The following AGMO variants were observed in gnomAD, a reference collection of about 807,000 sequenced individuals.
The protein encoded by AGMO is glyceryl-ether monooxygenase.
AGMO carries 75 observed loss-of-function variants against 60.2 expected under a neutral mutation model. The ratio of observed to expected loss-of-function variants is 1.25; its 90% confidence interval spans 1.03 to 1.51. The LOEUF is 1.51. Among genes scored for constraint, AGMO ranks in the 40% most tolerant of loss-of-function variants. The pLI, the probability that AGMO is intolerant of heterozygous loss-of-function variation, is 0.00. For synonymous variants in AGMO, 261 were observed against 177.1 expected (o/e 1.47, Z -3.76); for missense variants, 763 against 525.5 (o/e 1.45, Z -4.42).
At chr7:15,555,290 T>C (rs200521984) in intron 2 of AGMO, among the ~76,000 whole-genome samples, 316 of 103,580 alleles carry the variant, frequency 3.1e-3, no homozygotes, top group East Asian at 0.013. Flanking sequence ...TATATATATA[T>C]ATACACACAC....
intron 12 of AGMO, among the ~76,000 whole-genome samples, chr7:15,291,060 C>T (rs1010766478): frequency 6.6e-6 from 1 of 152,034 alleles, no homozygotes; most frequent in Non-Finnish European, 1.5e-5. Flanking sequence ...TTCTGGGTGG[C>T]AGTAATCCCT....
At chr7:15,318,092 G>T (rs1780995669) in intron 12 of AGMO, among the ~76,000 whole-genome samples, 1 of 150,220 alleles carries the variant, frequency 6.7e-6, no homozygotes, top group Non-Finnish European at 1.5e-5. Context: ...TGCAATCTCT[G>T]CCTCTGGGGT....
intron 3 of AGMO, among the ~76,000 whole-genome samples, chr7:15,493,526 A>C (rs568624425): frequency 6.7e-6 from 1 of 149,872 alleles, no homozygotes; most frequent in African/African-American, 2.4e-5. Context: ...GGCGCCCGCC[A>C]CCACACCCGG....
At chr7:15,442,220 G>C (rs1781576394) in intron 3 of AGMO, among the ~76,000 whole-genome samples, 1 of 152,150 alleles carries the variant, frequency 6.6e-6, no homozygotes, top group Non-Finnish European at 1.5e-5. Flanking sequence ...CCCTGTGATA[G>C]ATTTCTGTCT....
chr7:15,557,807 G>T (rs918435713), intron 2 of AGMO, among the ~76,000 whole-genome samples: 6 of 151,904 alleles, frequency 3.9e-5, no homozygotes, highest in Non-Finnish European at 8.8e-5. Context: ...GGAGTAATTT[G>T]CTATTCTCAT....
At chr7:15,171,686 G>A in the AGMO span, among the ~76,000 whole-genome samples, 2 of 151,958 alleles carry the variant, frequency 1.3e-5, no homozygotes, top group African/African-American at 2.4e-5. Context: ...CATTAAATTG[G>A]CTGTCTAGTA....
At chr7:15,301,196 T>C (rs1784551433) in intron 12 of AGMO, among the ~76,000 whole-genome samples, 1 of 152,108 alleles carries the variant, frequency 6.6e-6, no homozygotes, top group Non-Finnish European at 1.5e-5. Flanking sequence ...CCCAACACTT[T>C]TGGAGGCCAA....
intron 2 of AGMO, among the ~76,000 whole-genome samples, chr7:15,553,989 T>G (rs1263275131): frequency 6.6e-6 from 1 of 152,074 alleles, no homozygotes; most frequent in African/African-American, 2.4e-5. Flanking sequence ...CTGCTTTCTA[T>G]TAGCAAAATT....
At chr7:15,124,474 T>TG in the AGMO span, among the ~76,000 whole-genome samples, 2 of 152,014 alleles carry the variant, frequency 1.3e-5, no homozygotes, top group Non-Finnish European at 2.9e-5. Context: ...ATAAAGAAAT[T>TG]GGGGCAATTT....
Position 15,200,826 on chromosome 7 carries a change from A to C in AGMO, c.*459T>G, listed in dbSNP as rs1400173342. 2.6e-5 allele frequency: 4 copies of C among 152,818 alleles called. No individual in the cohort carries two copies. Among genetic ancestry groups the C allele is most frequent in the Non-Finnish European group, 4.4e-5 (3 of 68,462 alleles). The allele number at this position is 152,818 out of a possible 1,614,324, so 9.5% of individuals were successfully genotyped here. A position where few individuals can be genotyped will look rare whatever the true frequency, so the allele number is the denominator to read the frequency against. On this transcript the variant is annotated 3_prime_UTR_variant, in exon 13 of 13. Transcript: ENST00000342526. ...GTCTTTTTCTGGAATGCAGCTTCTTAGGTTATATGGATTGCAAAGGTAACT... is the reference window on the plus strand; with the variant it reads ...GTCTTTTTCTGGAATGCAGCTTCTTCGGTTATATGGATTGCAAAGGTAACT...
chr7:15,399,312 A>G (rs1459348107), intron 5 of AGMO, among the ~76,000 whole-genome samples: 2 of 152,184 alleles, frequency 1.3e-5, no homozygotes, highest in Non-Finnish European at 2.9e-5. Context: ...AATTTCTATT[A>G]TATACTGAAA....
intron 6 of AGMO, among the ~76,000 whole-genome samples, chr7:15,393,253 C>G (rs1255945164): frequency 2.0e-5 from 3 of 152,204 alleles, no homozygotes; most frequent in Non-Finnish European, 2.9e-5. Flanking sequence ...ACCTGCCCTT[C>G]TTGGAAAGGC....
At chr7:15,554,968 A>C (rs1340451921) in intron 2 of AGMO, among the ~76,000 whole-genome samples, 1 of 151,884 alleles carries the variant, frequency 6.6e-6, no homozygotes, top group African/African-American at 2.4e-5. Flanking sequence ...CGTTGTTGTC[A>C]TTAAGAAAGC....
chr7:15,353,006 C>G (rs757324358), intron 12 of AGMO, among the ~76,000 whole-genome samples: 41 of 152,000 alleles, frequency 2.7e-4, no homozygotes, highest in Non-Finnish European at 3.8e-4. Flanking sequence ...TAAATCATAG[C>G]ACTGCGCACG....
intron 12 of AGMO, among the ~76,000 whole-genome samples, chr7:15,341,404 C>T (rs748498463): frequency 3.9e-5 from 6 of 152,152 alleles, no homozygotes; most frequent in Non-Finnish European, 7.3e-5. Context: ...TTACAAGAGT[C>T]ACCTTTGCTC....
chr7:15,507,157 CAA>C (rs1783533779), intron 3 of AGMO, among the ~76,000 whole-genome samples: 1 of 151,770 alleles, frequency 6.6e-6, no homozygotes, highest in South Asian at 2.1e-4. Flanking sequence ...CAAACTGCTA[CAA>C]AAGTCAAGGA....
At chr7:15,501,105 T>G (rs1257043994) in intron 3 of AGMO, among the ~76,000 whole-genome samples, 1 of 151,996 alleles carries the variant, frequency 6.6e-6, no homozygotes, top group Non-Finnish European at 1.5e-5. Context: ...TGTCCAATTG[T>G]TTGGTTGATT....
chr7:15,176,768 C>A, the AGMO span, among the ~76,000 whole-genome samples: 2 of 151,786 alleles, frequency 1.3e-5, no homozygotes. Flanking sequence ...ACATTAGATC[C>A]CCAGAGCTTA....
chr7:15,296,003 G>A (rs1447011920), intron 12 of AGMO, among the ~76,000 whole-genome samples: 1 of 151,992 alleles, frequency 6.6e-6, no homozygotes, highest in Admixed American at 6.6e-5. Flanking sequence ...TAATTTTGTT[G>A]TATATAAAAT....
Sources: gnomAD v4.1 joint callset for allele counts (sites outside exome capture counted in the v4.1 genomes callset) on GRCh38, gnomAD v4.1.1 for gene constraint, MANE v1.5 for transcripts, NCBI Gene and HGNC (gene_info 2026-07-23, HGNC 2026-07-21) for gene names.